Variants in HPSE2 observed in about 807,000 individuals in gnomAD.
HPSE2 encodes the protein heparanase 2 (inactive).
Under a neutral mutation model 60.5 loss-of-function variants are expected in HPSE2, and 38 were observed. The ratio of observed to expected loss-of-function variants is 0.63; its 90% CI spans 0.48 to 0.82. HPSE2 has a LOEUF of 0.82. HPSE2 is among the 40% of genes least tolerant of loss of function. HPSE2 has a pLI of 0.00. For missense variants in HPSE2, 713 were observed against 740.4 expected (o/e 0.96, Z 0.43); for synonymous variants, 295 against 293.2 (o/e 1.01, Z -0.06).
chr10:99,308,834 G>T, the HPSE2 span, among the ~76,000 whole-genome samples: 1 of 152,170 alleles, frequency 6.6e-6, no homozygotes, highest in Admixed American at 6.5e-5. Context: ...GTTGGCCAAA[G>T]ATTCATTTGA....
intron 3 of HPSE2, chr10:99,013,918 A>G: frequency 2.3e-6 from 1 of 430,358 alleles, no homozygotes; most frequent in Middle Eastern, 4.2e-4. Flanking sequence ...CTGGTGATTG[A>G]ACAGTCTCCA....
chr10:99,128,227 C>G (rs771382077), intron 3 of HPSE2, among the ~76,000 whole-genome samples: 3 of 152,230 alleles, frequency 2.0e-5, no homozygotes, highest in Non-Finnish European at 4.4e-5. Flanking sequence ...ATCCACCAAA[C>G]TGGGAATGTA....
At chr10:98,530,108 T>C (rs1943084636) in intron 9 of HPSE2, among the ~76,000 whole-genome samples, 1 of 152,208 alleles carries the variant, frequency 6.6e-6, no homozygotes, top group Admixed American at 6.5e-5. Context: ...TGGTGCCCAC[T>C]GGCTCCTTTT....
chr10:98,898,653 G>A (rs1000831723), intron 3 of HPSE2, among the ~76,000 whole-genome samples: 1 of 152,010 alleles, frequency 6.6e-6, no homozygotes, highest in African/African-American at 2.4e-5. Context: ...GTAGGTACAT[G>A]ACACAATCCA....
rs559666961 is a variant in HPSE2 at position 98,563,877 on chromosome 10, G to A, written c.1320+51027C>T. Among the ~76,000 whole-genome samples the A allele has an allele frequency of 3.3e-5, 5 of 152,242 alleles. No homozygotes were observed. In the East Asian group the frequency reaches 9.7e-4, roughly 29 times the overall value. On this transcript the variant is annotated intron_variant, in intron 9 of 11. Transcript: ENST00000370552. The stretch of plus-strand genomic sequence containing the variant: ...TAAGCAGGGGTCCTGGGGTCAGACA[G>A]GATTCCTGGGTAGGAACCTTGCTTC...
At chr10:99,104,039 A>G (rs1173423600) in intron 3 of HPSE2, among the ~76,000 whole-genome samples, 2 of 152,216 alleles carry the variant, frequency 1.3e-5, no homozygotes, top group Non-Finnish European at 2.9e-5. Context: ...CCCCAGGAGA[A>G]AACTTAGGCA....
chr10:99,100,211 T>A (rs1311978291), intron 3 of HPSE2, among the ~76,000 whole-genome samples: 1 of 152,170 alleles, frequency 6.6e-6, no homozygotes, highest in African/African-American at 2.4e-5. Flanking sequence ...AGAAGGAAGT[T>A]CGAATCCATC....
intron 5 of HPSE2, among the ~76,000 whole-genome samples, chr10:98,719,475 C>G (rs538535265): frequency 1.3e-5 from 2 of 151,382 alleles, no homozygotes; most frequent in Non-Finnish European, 2.9e-5. Context: ...GTATTCTTAA[C>G]AAAATGAAAC....
At chr10:98,917,729 A>C (rs1488657291) in intron 3 of HPSE2, among the ~76,000 whole-genome samples, 3 of 152,200 alleles carry the variant, frequency 2.0e-5, no homozygotes, top group Non-Finnish European at 2.9e-5. Flanking sequence ...ACGATGAATG[A>C]ATAAATAGGT....
intron 3 of HPSE2, among the ~76,000 whole-genome samples, chr10:98,872,209 T>C (rs1952752594): frequency 6.6e-6 from 1 of 152,024 alleles, no homozygotes; most frequent in South Asian, 2.1e-4. Context: ...CACTAAGAAA[T>C]GGAATATAAT....
chr10:98,977,910 G>T (rs957361548), intron 3 of HPSE2, among the ~76,000 whole-genome samples: 6 of 148,668 alleles, frequency 4.0e-5, no homozygotes, highest in Non-Finnish European at 7.4e-5. Flanking sequence ...AATTTTTATG[G>T]TGTATATTTA....
At chr10:98,652,624 A>C (rs909170387) in intron 6 of HPSE2, among the ~76,000 whole-genome samples, 4 of 152,114 alleles carry the variant, frequency 2.6e-5, no homozygotes, top group Non-Finnish European at 5.9e-5. Flanking sequence ...CCAAGGCTTA[A>C]CCTCCACTTC....
At chr10:98,956,887 G>T (rs1955523431) in intron 3 of HPSE2, among the ~76,000 whole-genome samples, 2 of 152,156 alleles carry the variant, frequency 1.3e-5, no homozygotes, top group Non-Finnish European at 2.9e-5. Context: ...GAGACGAAAG[G>T]TTTCAAAGAG....
intron 9 of HPSE2, among the ~76,000 whole-genome samples, chr10:98,496,025 G>A (rs1941825276): frequency 6.6e-6 from 1 of 151,886 alleles, no homozygotes; most frequent in Non-Finnish European, 1.5e-5. Flanking sequence ...TCCTCCCTAG[G>A]GTTTGCTGAT....
chr10:98,824,924 C>T (rs1183015869), intron 3 of HPSE2, among the ~76,000 whole-genome samples: 2 of 152,196 alleles, frequency 1.3e-5, no homozygotes, highest in Admixed American at 1.3e-4. Flanking sequence ...TAACGGTAAA[C>T]ATGTCCTTCC....
At chr10:98,487,321 C>T (rs1311663494) in intron 10 of HPSE2, among the ~76,000 whole-genome samples, 1 of 152,162 alleles carries the variant, frequency 6.6e-6, no homozygotes, top group African/African-American at 2.4e-5. Flanking sequence ...TCATAAGAGA[C>T]AGCACTCTAC....
chr10:98,673,153 G>A (rs1034962650), intron 6 of HPSE2, among the ~76,000 whole-genome samples: 4 of 152,218 alleles, frequency 2.6e-5, no homozygotes, highest in Non-Finnish European at 4.4e-5. Flanking sequence ...GTAATCTGAG[G>A]AATACAATCA....
intron 6 of HPSE2, among the ~76,000 whole-genome samples, chr10:98,684,369 C>T (rs1277776317): frequency 1.3e-5 from 2 of 151,990 alleles, no homozygotes; most frequent in African/African-American, 4.8e-5. Flanking sequence ...TACTCTGGTA[C>T]AGTTTAGGGA....
intron 3 of HPSE2, among the ~76,000 whole-genome samples, chr10:98,808,517 TTAAG>T (rs1012354869): frequency 2.6e-5 from 4 of 152,192 alleles, no homozygotes; most frequent in African/African-American, 9.6e-5. Flanking sequence ...CTTTTAGGAA[TTAAG>T]TGAGAGTCAT....
Sources: allele counts gnomAD v4.1 joint callset (sites outside exome capture counted in the v4.1 genomes callset), GRCh38; gene constraint gnomAD v4.1.1; transcripts MANE v1.5; gene names NCBI Gene and HGNC (gene_info 2026-07-23, HGNC 2026-07-21).